Variants in CAMK2G observed in about 807,000 individuals in gnomAD.
CAMK2G encodes calcium/calmodulin dependent protein kinase II gamma, also known as calcium/calmodulin-dependent protein kinase type II subunit gamma.
In CAMK2G, 23 loss-of-function variants were observed where a neutral mutation model predicts 88.7. That is an observed-to-expected ratio of 0.26 (90% CI 0.19 to 0.37). CAMK2G has a LOEUF of 0.37. CAMK2G is among the 10% of genes least tolerant of loss of function. The pLI, the probability that CAMK2G is intolerant of heterozygous loss-of-function variation, is 1.00. For synonymous variants in CAMK2G, 263 were observed against 294.8 expected, an observed-to-expected ratio of 0.89 and a Z score of 1.11; for missense variants, 476 against 780.8, an observed-to-expected ratio of 0.61 and a Z score of 4.65.
intron 14 of CAMK2G, among the ~76,000 whole-genome samples, chr10:73,836,336 C>T (rs947334577): frequency 6.6e-6 from 1 of 152,210 alleles, no homozygotes; most frequent in African/African-American, 2.4e-5. Context: ...CCCCCTCTTA[C>T]ACCTCTGTTG....
chr10:73,873,578 C>A (rs2095927494), intron 1 of CAMK2G: 6 of 983,668 alleles, frequency 6.1e-6, no homozygotes, highest in Non-Finnish European at 6.0e-6. Flanking sequence ...AACCCCCCCA[C>A]AGCCGGTTTC....
In CAMK2G at chr10:73,819,469, C is replaced by T. The variant is rs2086988511; in HGVS notation, c.1363+63G>A. 3 of 1,165,576 alleles carry T rather than the reference C, an allele frequency of 2.6e-6. No individual in the cohort carries two copies. The Admixed American group carries it at 5.9e-5, about 23-fold the overall frequency. 72.2% of individuals were successfully genotyped at this position (1,165,576 alleles called of 1,614,324 possible). ...TGGGACTGACAGCTGTGGTGGGGGT[C>T]CCTGAGGGGCTTCAGGACGAGCCAG... On this transcript the variant is annotated intron_variant, in intron 19 of 22. Transcript: ENST00000423381.
rs145031950 is a variant in CAMK2G at position 73,814,817 on chromosome 10, C to T, written c.*12+186G>A. On this transcript the variant is annotated intron_variant, in intron 22 of 22. Transcript: ENST00000423381. ...TCTGAGGTCATCCAATTTGGAGTCA[C>T]GGAGCCAGACCCTAGTCTGTCTGAT... 7.9e-3 allele frequency: 4,642 copies of T among 588,070 alleles called. 34 individuals are homozygous for T. The highest frequency in any genetic ancestry group is 9.4e-3 in the Non-Finnish European group (3,103 of 328,734). 36.4% of individuals were successfully genotyped at this position (588,070 alleles called of 1,614,324 possible). A position where few individuals can be genotyped will look rare whatever the true frequency, so the allele number is the denominator to read the frequency against.
In CAMK2G at chr10:73,816,941, T is replaced by C. The variant is rs1171698915; in HGVS notation, c.1534+82A>G. ...GTCAAATAAGGGAAAAGTGGGCAAC[T>C]GGGATGAGAAGGTGAGCAGGAGACA... On this transcript the variant is annotated intron_variant, in intron 21 of 22. Coordinates refer to ENST00000423381, the MANE Select transcript of CAMK2G (RefSeq NM_001367534.1). 3 of 1,612,872 alleles carry C rather than the reference T, an allele frequency of 1.9e-6. No homozygotes were observed. The East Asian group carries it at 6.7e-5, about 36-fold the overall frequency.
At chr10:73,852,918 T>G (rs550169590) in intron 4 of CAMK2G, 3 of 482,680 alleles carry the variant, frequency 6.2e-6, no homozygotes, top group Non-Finnish European at 1.1e-5. Flanking sequence ...GACAGCACAC[T>G]GAGAAACAAG....
chr10:73,827,268 G>C (rs538356925), intron 15 of CAMK2G, among the ~76,000 whole-genome samples: 31 of 152,330 alleles, frequency 2.0e-4, no homozygotes, highest in Non-Finnish European at 3.8e-4. Flanking sequence ...CTCACTGCAA[G>C]CTCCGCCTCC....
At chr10:73,850,564 CACA>C (rs1384174862) in intron 5 of CAMK2G, among the ~76,000 whole-genome samples, 1 of 152,196 alleles carries the variant, frequency 6.6e-6, no homozygotes, top group Non-Finnish European at 1.5e-5. Flanking sequence ...GGAGAGGCCT[CACA>C]ACAAGGAAGT....
At chr10:73,850,902 G>A (rs2094566063) in intron 5 of CAMK2G, among the ~76,000 whole-genome samples, 1 of 152,186 alleles carries the variant, frequency 6.6e-6, no homozygotes, top group South Asian at 2.1e-4. Context: ...CTAGCAGGGA[G>A]CGCCTTCTGG....
intron 16 of CAMK2G, among the ~76,000 whole-genome samples, 163 bp downstream of exon 16, chr10:73,825,116 A>G (rs1416513422): frequency 1.3e-5 from 2 of 152,166 alleles, no homozygotes; most frequent in Non-Finnish European, 2.9e-5. Context: ...AGGCGGGACA[A>G]TGAAGGGGAA....
At chr10:73,820,487 TA>T (rs1226877134) in intron 18 of CAMK2G, among the ~76,000 whole-genome samples, 63 of 32,270 alleles carry the variant, frequency 2.0e-3, no homozygotes, top group African/African-American at 4.7e-3. Flanking sequence ...TATATATATA[TA>T]TATATTTTTT....
chr10:73,842,774 C>T lies in CAMK2G; in HGVS notation c.820-233G>A, dbSNP rs373980348. ...TGAGAACACCATAACGGATGCTAGACGGGCTGCTGAGAGACCGTCCTATTC... is the reference window on the plus strand; with the variant it reads ...TGAGAACACCATAACGGATGCTAGATGGGCTGCTGAGAGACCGTCCTATTC... On this transcript the variant is annotated intron_variant, in intron 10 of 22. Coordinates refer to ENST00000423381, the MANE Select transcript of CAMK2G (RefSeq NM_001367534.1). This position sits in a 1 kb window ranked among gnomAD's most constrained non-coding sequence, Gnocchi z 4.6. Among the ~76,000 whole-genome samples the T allele has an allele frequency of 3.9e-4, 60 of 152,306 alleles. 1 individual carries two copies. The South Asian group carries it at 0.011, about 28-fold the overall frequency.
At chr10:73,815,374 C>CA (rs1041535572) in intron 21 of CAMK2G, 127 bp from the exon 22 acceptor site, 7 of 656,416 alleles carry the variant, frequency 1.1e-5, no homozygotes, top group African/African-American at 9.2e-5. Context: ...GTACCGCCCC[C>CA]CCCCACCCCC....
At chr10:73,869,914 T>C (rs1453289581) in intron 2 of CAMK2G, among the ~76,000 whole-genome samples, 2 of 152,334 alleles carry the variant, frequency 1.3e-5, no homozygotes, top group East Asian at 3.9e-4. Context: ...CAGAAGTTTC[T>C]TGTGATGCTG....
At chr10:73,844,994 T>G (rs1369406319) in intron 10 of CAMK2G, among the ~76,000 whole-genome samples, 5 of 152,184 alleles carry the variant, frequency 3.3e-5, no homozygotes, top group Non-Finnish European at 2.9e-5. Flanking sequence ...TCACTCTCAG[T>G]GCTCTTTGCT....
chr10:73,832,370 G>A (rs970062951), intron 14 of CAMK2G, among the ~76,000 whole-genome samples: 3 of 151,610 alleles, frequency 2.0e-5, no homozygotes, highest in East Asian at 1.9e-4. Flanking sequence ...GTGCAGTGGC[G>A]CACTTGGCTC....
chr10:73,817,519 G>A lies in CAMK2G; in HGVS notation c.1399C>T (p.Leu467=). ...TCCCCATTGTTGATGGCTTCAATCAGCTGTTCTGTAATCTTAATGATCTCC... is the reference window on the plus strand; with the variant it reads ...TCCCCATTGTTGATGGCTTCAATCAACTGTTCTGTAATCTTAATGATCTCC... ...KQEIIKITEQ[L]IEAINNGDFE... The change falls in exon 20 of 23, where the codon CTG becomes TTG. Residue 467 remains leucine, a synonymous_variant. Coordinates refer to ENST00000423381, the MANE Select transcript of CAMK2G (RefSeq NM_001367534.1). 1 of 1,613,356 alleles carries A rather than the reference G, an allele frequency of 6.2e-7. No individual in the cohort carries two copies. Among genetic ancestry groups the A allele is most frequent in the Non-Finnish European group, 8.5e-7 (1 of 1,179,268 alleles).
In CAMK2G at chr10:73,839,464, G is replaced by T; in HGVS notation, c.1009+75C>A. The T allele has an allele frequency of 1.2e-6, 1 of 832,496 alleles. No individual in the cohort carries two copies. Among genetic ancestry groups the T allele is most frequent in the Non-Finnish European group, 1.6e-6 (1 of 622,486 alleles). The allele number at this position is 832,496 out of a possible 1,614,324, so 51.6% of individuals were successfully genotyped here. A position where few individuals can be genotyped will look rare whatever the true frequency, so the allele number is the denominator to read the frequency against. ...TGGGACTCGCCTCCCTGGTGAGTGGGCCCGGCATGCTGGCCCTCCTGGTGG... is the reference window on the plus strand; with the variant it reads ...TGGGACTCGCCTCCCTGGTGAGTGGTCCCGGCATGCTGGCCCTCCTGGTGG... On this transcript the variant is annotated intron_variant, in intron 13 of 22. Coordinates refer to ENST00000423381, the MANE Select transcript of CAMK2G (RefSeq NM_001367534.1). This position sits in a 1 kb window ranked among gnomAD's most constrained non-coding sequence, Gnocchi z 4.2.
intron 3 of CAMK2G, among the ~76,000 whole-genome samples, chr10:73,859,316 C>A (rs2095257842): frequency 6.6e-6 from 1 of 152,236 alleles, no homozygotes; most frequent in Non-Finnish European, 1.5e-5. Flanking sequence ...TCTGGCCATG[C>A]AAGGTGGGGG....
chr10:73,826,095 C>T (rs1381503668), intron 15 of CAMK2G, among the ~76,000 whole-genome samples: 1 of 152,168 alleles, frequency 6.6e-6, no homozygotes, highest in African/African-American at 2.4e-5. Flanking sequence ...CCAACATTCC[C>T]AACAGCACCA....
Sources: gnomAD v4.1 joint callset for allele counts (sites outside exome capture counted in the v4.1 genomes callset) on GRCh38, gnomAD v4.1.1 for gene constraint, Gnocchi (gnomAD v3.1) non-coding constraint, MANE v1.5 for transcripts, NCBI Gene and HGNC (gene_info 2026-07-23, HGNC 2026-07-21) for gene names.